Variants in FNBP1 observed in about 807,000 individuals in gnomAD.
FNBP1 encodes formin-binding protein 1.
In FNBP1, 26 loss-of-function variants were observed where a neutral mutation model predicts 90.6. The observed-to-expected ratio is 0.29, with a 90% confidence interval of 0.21 to 0.40. FNBP1 has a LOEUF of 0.40. FNBP1 is among the 10% of genes least tolerant of loss of function. FNBP1 has a pLI of 1.00. For synonymous variants in FNBP1, 260 were observed against 265.2 expected, an observed-to-expected ratio of 0.98 and a Z score of 0.19; for missense variants, 635 against 768.0, an observed-to-expected ratio of 0.83 and a Z score of 2.05.
intron 4 of FNBP1, among the ~76,000 whole-genome samples, chr9:129,974,992 G>A (rs1403129733): frequency 6.6e-6 from 1 of 152,218 alleles, no homozygotes; most frequent in East Asian, 1.9e-4. Flanking sequence ...GTCAAGGCAG[G>A]CGGATCACCT....
rs373435125 is a variant in FNBP1, at chr9:129,923,802, C to T, written c.1170+42G>A. 1.2e-5 allele frequency: 18 copies of T among 1,510,048 alleles called. No individual in the cohort carries two copies. The African/African-American group carries it at 2.6e-4, about 22-fold the overall frequency. 93.5% of individuals were successfully genotyped at this position (1,510,048 alleles called of 1,614,324 possible). On this transcript the variant is annotated intron_variant, in intron 10 of 16. Coordinates refer to ENST00000446176, the MANE Select transcript of FNBP1 (RefSeq NM_015033.3). ...TAGTTATGCAGAACCAAACATGCAACCAAAGCACGCCAGAGAGACAGGATT... is the reference window on the plus strand; with the variant it reads ...TAGTTATGCAGAACCAAACATGCAATCAAAGCACGCCAGAGAGACAGGATT...
intron 4 of FNBP1, 23 bp downstream of exon 4, chr9:129,978,441 GA>G: frequency 6.2e-7 from 1 of 1,601,336 alleles, no homozygotes; most frequent in Non-Finnish European, 8.5e-7. Flanking sequence ...CTTTTAGGAA[GA>G]AAAAGAATAA....
At chr9:129,999,107 T>C (rs2054453670) in intron 1 of FNBP1, among the ~76,000 whole-genome samples, 1 of 152,256 alleles carries the variant, frequency 6.6e-6, no homozygotes, top group South Asian at 2.1e-4. Context: ...CCCACTTACA[T>C]TCTTGACTAA....
chr9:130,003,262 G>T (rs1170870130), intron 1 of FNBP1, among the ~76,000 whole-genome samples: 1 of 152,016 alleles, frequency 6.6e-6, no homozygotes. Context: ...TTCAAGACCA[G>T]CCTGGCCAAC....
In FNBP1 at chr9:129,905,294, G is replaced by GTATATATATATATATATATA. The variant is rs56217495; in HGVS notation, c.1296-2294_1296-2293insTATATATATATATATATATA. 8.9e-4 allele frequency among the ~76,000 whole-genome samples: 118 copies of GTATATATATATATATATATA among 132,318 alleles called. 1 individual carries two copies. Among genetic ancestry groups the GTATATATATATATATATATA allele is most frequent in the African/African-American group, 2.5e-3 (86 of 34,690 alleles). The allele number at this position is 132,318 out of a possible 152,430, so 86.8% of individuals were successfully genotyped here. A position where few individuals can be genotyped will look rare whatever the true frequency, so the allele number is the denominator to read the frequency against. ...TTGAATTGTGTGTGTGTGTGTGTGT[G>GTATATATATATATATATATA]TATATATATATATATATATTTTGTT... is the stretch of plus-strand genomic sequence containing the variant. On this transcript the variant is annotated intron_variant, in intron 12 of 16. Transcript: ENST00000446176.
At chr9:129,937,381 T>C (rs1245943238) in intron 6 of FNBP1, among the ~76,000 whole-genome samples, 1 of 152,204 alleles carries the variant, frequency 6.6e-6, no homozygotes, top group Non-Finnish European at 1.5e-5. Context: ...ATATCCTGTT[T>C]TAACAATGTA....
At chr9:129,960,398 A>AAAAAGAAAAAG in intron 4 of FNBP1, among the ~76,000 whole-genome samples, 1 of 132,088 alleles carries the variant, frequency 7.6e-6, no homozygotes, top group Non-Finnish European at 1.7e-5. Flanking sequence ...AAAAAAAAAA[A>AAAAAGAAAAAG]AAAAAGAAAA....
intron 6 of FNBP1, among the ~76,000 whole-genome samples, chr9:129,952,373 C>T (rs2046316483): frequency 2.0e-5 from 3 of 151,956 alleles, no homozygotes; most frequent in Admixed American, 2.0e-4. Context: ...GTGGCAGGCA[C>T]CTTAATCTCA....
At chr9:130,016,909 G>C in intron 1 of FNBP1, among the ~76,000 whole-genome samples, 1 of 152,182 alleles carries the variant, frequency 6.6e-6, no homozygotes, top group African/African-American at 2.4e-5. Context: ...TGCTGGGGAT[G>C]TAACTGTGAA....
In FNBP1 at chr9:129,888,528, G is replaced by A. The variant is rs41279162; in HGVS notation, c.*2011C>T. 0.015 allele frequency: 3,477 copies of A among 232,928 alleles called. 43 individuals are homozygous for A. Among genetic ancestry groups the A allele is most frequent in the Middle Eastern group, 0.028 (22 of 778 alleles). 14.4% of individuals were successfully genotyped at this position (232,928 alleles called of 1,614,324 possible). ...GTCAAGTCAGTCCTCCTGCGTGACT[G>A]ATGGGTGCACCACGCTTAGGTCACC... On this transcript the variant is annotated 3_prime_UTR_variant, in exon 17 of 17. Transcript: ENST00000446176.
chr9:129,975,649 C>T (rs2050185718), intron 4 of FNBP1, among the ~76,000 whole-genome samples: 1 of 152,088 alleles, frequency 6.6e-6, no homozygotes, highest in South Asian at 2.1e-4. Context: ...CGCTTGTAAT[C>T]CCAGCAGTTT....
At chr9:129,926,366 C>T (rs1048831236) in intron 8 of FNBP1, among the ~76,000 whole-genome samples, 2 of 152,124 alleles carry the variant, frequency 1.3e-5, no homozygotes, top group Non-Finnish European at 2.9e-5. Context: ...AGAAATAGGT[C>T]TCTAGGAATT....
At chr9:129,994,798 C>A in intron 2 of FNBP1, 45 bp downstream of exon 2, 1 of 845,712 alleles carries the variant, frequency 1.2e-6, no homozygotes, top group Non-Finnish European at 2.0e-6. Context: ...GTTATCCTTA[C>A]ATCATTTTGC....
At chr9:129,914,757 CTATATATATATATATATATA>C (rs756342214) in intron 11 of FNBP1, among the ~76,000 whole-genome samples, 5,025 of 110,048 alleles carry the variant, frequency 0.046, 236 homozygotes, top group South Asian at 0.091. Flanking sequence ...ATACATATGT[CTATATATATATATATATATA>C]TATATATATA....
chr9:129,959,339 C>G (rs1189134375), intron 4 of FNBP1, among the ~76,000 whole-genome samples: 2 of 151,960 alleles, frequency 1.3e-5, no homozygotes, highest in Admixed American at 6.6e-5. Flanking sequence ...ACCTGTAATC[C>G]CAGCACTTTG....
intron 4 of FNBP1, among the ~76,000 whole-genome samples, chr9:129,961,830 C>A (rs77507085): frequency 0.07 from 10,688 of 152,260 alleles, 469 homozygotes; most frequent in Admixed American, 0.12. Flanking sequence ...AAGTGATCCG[C>A]TTGCCTCGGC....
chr9:129,990,911 A>G (rs2053029598), intron 2 of FNBP1, among the ~76,000 whole-genome samples: 1 of 150,156 alleles, frequency 6.7e-6, no homozygotes, highest in Non-Finnish European at 1.5e-5. Context: ...GAAGGCAGAC[A>G]GAGATGATGA....
chr9:129,935,890 G>A (rs145215356), intron 6 of FNBP1, among the ~76,000 whole-genome samples: 5 of 152,262 alleles, frequency 3.3e-5, no homozygotes, highest in African/African-American at 1.2e-4. Flanking sequence ...AATAAATAAA[G>A]AGACTTACTA....
intron 1 of FNBP1, among the ~76,000 whole-genome samples, chr9:130,020,073 G>C (rs1424330766): frequency 6.6e-6 from 1 of 152,228 alleles, no homozygotes; most frequent in Non-Finnish European, 1.5e-5. Flanking sequence ...CCTGTTGGCT[G>C]TCAAAACGCT....
Sources: gnomAD v4.1 joint callset for allele counts (sites outside exome capture counted in the v4.1 genomes callset) on GRCh38, gnomAD v4.1.1 for gene constraint, MANE v1.5 for transcripts, NCBI Gene and HGNC (gene_info 2026-07-23, HGNC 2026-07-21) for gene names.